Variants in FTO observed in about 807,000 individuals in gnomAD.
The protein encoded by FTO is FTO alpha-ketoglutarate dependent dioxygenase.
Under a neutral mutation model 63.9 loss-of-function variants are expected in FTO, and 47 were observed. The observed-to-expected ratio is 0.74, with a 90% CI of 0.58 to 0.94. The LOEUF (loss-of-function observed/expected upper bound fraction) is 0.94, where lower values mean the gene tolerates loss of function less well. Ranked by LOEUF, FTO falls within the 40% of genes least tolerant of loss-of-function variation. FTO has a pLI of 0.00. For missense variants in FTO, 562 were observed against 618.1 expected, an observed-to-expected ratio of 0.91 and a Z score of 0.96; for synonymous variants, 207 against 224.4, an observed-to-expected ratio of 0.92 and a Z score of 0.69.
At chr16:53,837,509 G>T (rs28410925) in intron 3 of FTO, among the ~76,000 whole-genome samples, 3,904 of 151,256 alleles carry the variant, frequency 0.026, 167 homozygotes, top group African/African-American at 0.089. Flanking sequence ...TGATTAGTTT[G>T]TTTTTTTTTC....
intron 1 of FTO, among the ~76,000 whole-genome samples, chr16:53,708,262 A>T (rs1291843627): frequency 6.6e-6 from 1 of 152,052 alleles, no homozygotes; most frequent in Non-Finnish European, 1.5e-5. Flanking sequence ...GCTACTCGGG[A>T]GGCTGAGGCA....
chr16:53,954,697 G>A (rs1016084901), intron 8 of FTO, among the ~76,000 whole-genome samples: 2 of 152,038 alleles, frequency 1.3e-5, no homozygotes, highest in African/African-American at 4.8e-5. Flanking sequence ...CTGTGGCAGG[G>A]TTTTCACCTT....
chr16:53,918,224 T>A (rs1005079062), intron 7 of FTO, among the ~76,000 whole-genome samples: 2 of 152,160 alleles, frequency 1.3e-5, no homozygotes, highest in African/African-American at 4.8e-5. Context: ...TTAGGTGATG[T>A]TGTTGTTGTG....
rs896956821 is a variant in FTO, at chr16:53,796,946, C to G, written c.46-13194C>G. On this transcript the variant is annotated intron_variant, in intron 1 of 8. Transcript: ENST00000471389. ...TCAGAAATCCTTTTCTCCTTCTCTC[C>G]CCTAGTGGTTCTGGGCAGCTACTAA... 3.9e-5 allele frequency among the ~76,000 whole-genome samples: 6 copies of G among 152,188 alleles called. 1 individual carries two copies. Among genetic ancestry groups the G allele is most frequent in the Non-Finnish European group, 5.9e-5 (4 of 68,036 alleles).
At chr16:53,926,696 CA>C (rs1296228768) in intron 7 of FTO, among the ~76,000 whole-genome samples, 1 of 152,028 alleles carries the variant, frequency 6.6e-6, no homozygotes, top group African/African-American at 2.4e-5. Flanking sequence ...AGTTATATGG[CA>C]AAGGTACAAA....
intron 1 of FTO, among the ~76,000 whole-genome samples, chr16:53,760,621 C>CTTT (rs1169039527): frequency 8.9e-5 from 10 of 112,032 alleles, no homozygotes; most frequent in South Asian, 3.1e-4. Context: ...TGCTTGCTTT[C>CTTT]TTTTTTTTTT....
intron 8 of FTO, among the ~76,000 whole-genome samples, chr16:53,957,570 T>C (rs561960138): frequency 6.6e-6 from 1 of 152,364 alleles, no homozygotes; most frequent in East Asian, 1.9e-4. Flanking sequence ...GTGATAGTGA[T>C]AGTGCCTTTG....
At chr16:53,946,945 G>A (rs1054444196) in intron 8 of FTO, among the ~76,000 whole-genome samples, 19 of 152,154 alleles carry the variant, frequency 1.2e-4, no homozygotes, top group Admixed American at 6.5e-5. Context: ...CATCCAGTTG[G>A]TGCTACCCTC....
At chr16:53,824,573 C>T (rs1403656735) in intron 2 of FTO, among the ~76,000 whole-genome samples, 1 of 152,026 alleles carries the variant, frequency 6.6e-6, no homozygotes. Context: ...GACCTTGTTT[C>T]CATCTGGTGG....
chr16:53,724,560 GATATGAGGGCTAGCT>G, intron 1 of FTO, among the ~76,000 whole-genome samples: 1 of 152,222 alleles, frequency 6.6e-6, no homozygotes, highest in Non-Finnish European at 1.5e-5. Flanking sequence ...AGAGAGAATA[GATATGAGGGCTAGCT>G]CCTCCTCTTG....
At position 53,891,258 on chromosome 16, in the gene FTO, T is replaced by C. The variant is rs574479114; in HGVS notation, c.1239+2307T>C. Among the ~76,000 whole-genome samples, 43 of 152,164 alleles carry C rather than the reference T, an allele frequency of 2.8e-4. 1 individual carries two copies. The South Asian group carries it at 7.9e-3, about 28-fold the overall frequency. On this transcript the variant is annotated intron_variant, in intron 7 of 8. Coordinates refer to ENST00000471389, the MANE Select transcript of FTO (RefSeq NM_001080432.3). ...CCACCTGCCTCAGCCTCCCAGAGTG[T>C]TGGGATTACAGGCGTGAACCACCAT...
chr16:54,004,782 T>C (rs184782532), intron 8 of FTO, among the ~76,000 whole-genome samples: 13 of 152,250 alleles, frequency 8.5e-5, no homozygotes, highest in African/African-American at 1.4e-4. Flanking sequence ...TAGAAATTCA[T>C]TGGAGTGGCC....
At chr16:53,791,451 C>A (rs1334739399) in intron 1 of FTO, among the ~76,000 whole-genome samples, 1 of 152,162 alleles carries the variant, frequency 6.6e-6, no homozygotes, top group Non-Finnish European at 1.5e-5. Context: ...TACCTATACA[C>A]CTGCAGTTAA....
chr16:53,984,954 G>T, intron 8 of FTO: 2 of 455,604 alleles, frequency 4.4e-6, no homozygotes, highest in Non-Finnish European at 8.8e-6. Flanking sequence ...GAGGAGTGTT[G>T]GTAAGTAGAG....
At chr16:53,934,154 G>C in intron 8 of FTO, 45 bp downstream of exon 8, 1 of 1,611,472 alleles carries the variant, frequency 6.2e-7, no homozygotes, top group South Asian at 1.1e-5. Flanking sequence ...TGACAAACAA[G>C]AACTATATTT....
chr16:53,860,881 AACACACAC>A (rs35826323), intron 4 of FTO, among the ~76,000 whole-genome samples: 24 of 145,726 alleles, frequency 1.6e-4, no homozygotes, highest in East Asian at 8.1e-4. Flanking sequence ...AAATGTTTTT[AACACACAC>A]ACACACACAC....
At chr16:53,733,166 G>A (rs919032882) in intron 1 of FTO, among the ~76,000 whole-genome samples, 6 of 152,214 alleles carry the variant, frequency 3.9e-5, no homozygotes, top group Non-Finnish European at 5.9e-5. Flanking sequence ...TTGGGAGGCC[G>A]AGGCGGGAGG....
At chr16:54,092,128 A>T (rs541671291) in intron 8 of FTO, among the ~76,000 whole-genome samples, 71 of 152,290 alleles carry the variant, frequency 4.7e-4, no homozygotes, top group African/African-American at 1.5e-3. Flanking sequence ...AGTAATAAAA[A>T]AACAATTATC....
chr16:53,842,614 C>T (rs1179162890), intron 3 of FTO, among the ~76,000 whole-genome samples: 7 of 152,030 alleles, frequency 4.6e-5, no homozygotes. Context: ...ATATTATTAT[C>T]CTTCCAGAAA....
Sources: allele counts gnomAD v4.1 joint callset (sites outside exome capture counted in the v4.1 genomes callset), GRCh38; gene constraint gnomAD v4.1.1; transcripts MANE v1.5; gene names NCBI Gene and HGNC (gene_info 2026-07-23, HGNC 2026-07-21).